The following ATG7 variants were observed in gnomAD, a reference collection of about 807,000 sequenced individuals.
The protein encoded by ATG7 is autophagy related 7.
A neutral mutation model predicts 82.4 loss-of-function variants in ATG7; 70 were observed. The ratio of observed to expected loss-of-function variants is 0.85; its 90% CI spans 0.70 to 1.04. The LOEUF is 1.04. ATG7 is among the 50% of genes least tolerant of loss of function. The pLI, the probability that ATG7 is intolerant of heterozygous loss-of-function variation, is 0.00. For missense variants in ATG7, 792 were observed against 864.3 expected, an observed-to-expected ratio of 0.92 and a Z score of 1.05; for synonymous variants, 287 against 313.0, an observed-to-expected ratio of 0.92 and a Z score of 0.88.
At chr3:11,440,394 G>A (rs551532550) in intron 20 of ATG7, among the ~76,000 whole-genome samples, 18 of 131,814 alleles carry the variant, frequency 1.4e-4, no homozygotes, top group African/African-American at 4.3e-4. Flanking sequence ...GCGGGATCTC[G>A]GCTCACTGCA....
At chr3:11,339,632 A>G (rs1316525996) in intron 11 of ATG7, among the ~76,000 whole-genome samples, 2 of 152,236 alleles carry the variant, frequency 1.3e-5, no homozygotes, top group Admixed American at 1.3e-4. Context: ...AGCTTTCATT[A>G]ACATGAGAAG....
chr3:11,298,882 A>C (rs769084279), intron 4 of ATG7, 27 bp downstream of exon 4: 1 of 1,612,686 alleles, frequency 6.2e-7, no homozygotes, highest in African/African-American at 1.3e-5. Context: ...TTCATTTTCC[A>C]TCATCTTCTG....
chr3:11,285,831 A>G (rs1006619322), intron 3 of ATG7, among the ~76,000 whole-genome samples: 9 of 152,178 alleles, frequency 5.9e-5, no homozygotes, highest in African/African-American at 2.2e-4. Flanking sequence ...GATACCTTCT[A>G]TTTATCCATC....
intron 20 of ATG7, among the ~76,000 whole-genome samples, chr3:11,549,585 T>C (rs1449038874): frequency 6.6e-6 from 1 of 152,232 alleles, no homozygotes; most frequent in East Asian, 1.9e-4. Context: ...ATCAGTAGTT[T>C]AATGGCTTAG....
At chr3:11,288,060 C>T (rs560743578) in intron 3 of ATG7, among the ~76,000 whole-genome samples, 10 of 152,292 alleles carry the variant, frequency 6.6e-5, no homozygotes, top group African/African-American at 2.2e-4. Context: ...TGTTTGAGGC[C>T]TGCAGTGCCT....
chr3:11,539,112 G>A (rs2070608010), intron 20 of ATG7, among the ~76,000 whole-genome samples: 1 of 151,038 alleles, frequency 6.6e-6, no homozygotes, highest in African/African-American at 2.4e-5. Flanking sequence ...TTTTTTTCAG[G>A]TTGTAAAGTT....
rs536190535 is a variant in ATG7 at position 11,445,684 on chromosome 3, C to CA, written c.2079+18765dup. On this transcript the variant is annotated intron_variant, in intron 20 of 20. Coordinates refer to ENST00000693202, the MANE Select transcript of ATG7 (RefSeq NM_001349232.2). ...CATATACCCCTGAACTTACAAGTTT[C>CA]AAAAAAAGAAAATATGCATCTTCAA... is the stretch of plus-strand genomic sequence containing the variant. Among the ~76,000 whole-genome samples the CA allele has an allele frequency of 1.8e-3, 281 of 151,994 alleles. 1 individual carries two copies. The highest frequency in any genetic ancestry group is 6.5e-3 in the African/African-American group (269 of 41,468).
chr3:11,531,810 G>A (rs1228646063), intron 20 of ATG7, among the ~76,000 whole-genome samples: 3 of 147,256 alleles, frequency 2.0e-5, no homozygotes, highest in African/African-American at 7.6e-5. Context: ...GCTGCAGTGA[G>A]CCCAGATCCT....
At chr3:11,355,677 T>C (rs2075887834) in intron 14 of ATG7, among the ~76,000 whole-genome samples, 1 of 152,214 alleles carries the variant, frequency 6.6e-6, no homozygotes, top group Admixed American at 6.5e-5. Flanking sequence ...ACTATACACC[T>C]ACTAAAATGG....
At chr3:11,531,892 T>C (rs2092701802) in intron 20 of ATG7, among the ~76,000 whole-genome samples, 1 of 145,384 alleles carries the variant, frequency 6.9e-6, no homozygotes, top group South Asian at 2.2e-4. Context: ...AAAAAAAGTC[T>C]AATAACAGAG....
At chr3:11,295,041 G>A (rs1945642987) in intron 3 of ATG7, among the ~76,000 whole-genome samples, 1 of 152,224 alleles carries the variant, frequency 6.6e-6, no homozygotes. Flanking sequence ...GAACCAAGGA[G>A]GTGGAGGTTG....
chr3:11,348,371 T>A (rs1055448025), intron 14 of ATG7: 7 of 210,108 alleles, frequency 3.3e-5, no homozygotes, highest in African/African-American at 1.4e-4. Flanking sequence ...TTCCTTCAGA[T>A]GTGTCTGGAG....
At chr3:11,291,351 A>G (rs1039556449) in intron 3 of ATG7, among the ~76,000 whole-genome samples, 1 of 152,148 alleles carries the variant, frequency 6.6e-6, no homozygotes, top group Non-Finnish European at 1.5e-5. Flanking sequence ...GTTATTTTTT[A>G]GCATGTGTGA....
intron 20 of ATG7, among the ~76,000 whole-genome samples, chr3:11,520,723 T>G (rs963160337): frequency 6.6e-6 from 1 of 152,252 alleles, no homozygotes; most frequent in Non-Finnish European, 1.5e-5. Context: ...ACAGTCATTC[T>G]GTGGATCTGG....
intron 3 of ATG7, 109 bp downstream of exon 3, chr3:11,282,547 T>TG (rs1310430558): frequency 6.6e-6 from 1 of 152,172 alleles, no homozygotes; most frequent in Non-Finnish European, 1.5e-5. Flanking sequence ...TTGGCTGACT[T>TG]GATGATTTGA....
downstream of ATG7, chr3:11,559,203 A>G: frequency 7.1e-7 from 1 of 1,410,860 alleles, no homozygotes; most frequent in South Asian, 1.5e-5. Context: ...GGACGTGCTC[A>G]AGAAATACTT....
At chr3:11,481,542 T>G (rs1159939149) in intron 20 of ATG7, among the ~76,000 whole-genome samples, 1 of 152,222 alleles carries the variant, frequency 6.6e-6, no homozygotes, top group Non-Finnish European at 1.5e-5. Context: ...TATGAGAATA[T>G]TACCTAAGAT....
intron 20 of ATG7, among the ~76,000 whole-genome samples, chr3:11,534,082 C>A (rs536806495): frequency 3.9e-5 from 6 of 152,366 alleles, no homozygotes; most frequent in South Asian, 2.1e-4. Context: ...CCTCCTCCCC[C>A]CCCAGGGGAA....
chr3:11,473,032 C>G (rs541514245), intron 20 of ATG7, among the ~76,000 whole-genome samples: 1 of 152,284 alleles, frequency 6.6e-6, no homozygotes, highest in South Asian at 2.1e-4. Context: ...TTCTGACATT[C>G]AGTGACTGCT....
Sources: gnomAD v4.1 joint callset for allele counts (sites outside exome capture counted in the v4.1 genomes callset) on GRCh38, gnomAD v4.1.1 for gene constraint, MANE v1.5 for transcripts, NCBI Gene and HGNC (gene_info 2026-07-23, HGNC 2026-07-21) for gene names.